HERC6: variants seen among roughly 807,000 people sequenced by gnomAD.
HERC6 encodes the protein HECT and RLD domain containing E3 ubiquitin protein ligase family member 6.
HERC6 carries 101 observed loss-of-function variants against 114.5 expected under a neutral mutation model. That is an observed-to-expected ratio of 0.88 (90% confidence interval 0.75 to 1.04). The LOEUF is 1.04. Among genes scored for constraint, HERC6 ranks in the 50% least tolerant of loss-of-function variants. HERC6 has a pLI of 0.00. For missense variants in HERC6, 1,133 were observed against 1,230.9 expected (o/e 0.92, Z 1.19); for synonymous variants, 408 against 436.2 (o/e 0.94, Z 0.81).
chr4:88,442,002 C>G (rs1187222670), intron 22 of HERC6, among the ~76,000 whole-genome samples: 2 of 152,170 alleles, frequency 1.3e-5, no homozygotes, highest in Non-Finnish European at 2.9e-5. Flanking sequence ...AAATAAACTT[C>G]CTTCTTGCTA....
chr4:88,420,117 T>C (rs1431662255), intron 13 of HERC6, among the ~76,000 whole-genome samples: 1 of 152,134 alleles, frequency 6.6e-6, no homozygotes, highest in Admixed American at 6.5e-5. Context: ...ACACTAACTT[T>C]CGTTTTCTTT....
At chr4:88,409,246 G>A (rs1393996423) in intron 11 of HERC6, among the ~76,000 whole-genome samples, 2 of 152,072 alleles carry the variant, frequency 1.3e-5, no homozygotes, top group East Asian at 3.9e-4. Context: ...ATTCAGTTTT[G>A]GGGACAGACT....
chr4:88,405,250 A>C (rs1383817502), intron 9 of HERC6, among the ~76,000 whole-genome samples: 2 of 152,238 alleles, frequency 1.3e-5, no homozygotes, highest in African/African-American at 4.8e-5. Context: ...CAAAGCCTTT[A>C]ATAAGGTGGA....
intron 12 of HERC6, among the ~76,000 whole-genome samples, chr4:88,413,658 G>GTAT (rs1317281334): frequency 6.6e-6 from 1 of 152,052 alleles, no homozygotes; most frequent in Non-Finnish European, 1.5e-5. Context: ...GTTAAACTTT[G>GTAT]TATTATTATT....
At position 88,390,805 on chromosome 4, in the gene HERC6, C is replaced by G. The variant is rs1227359463; in HGVS notation, c.590C>G (p.Ser197Cys). 1.6e-5 allele frequency: 26 copies of G among 1,614,054 alleles called. No individual in the cohort carries two copies. The highest frequency in any genetic ancestry group is 2.0e-5 in the Non-Finnish European group (24 of 1,180,034). ...GGAGGGGCTCACAGCTTTGCCCTGT[C>G]TCTCTGTGGGACTTCGTTTGGCTGG... ...AAGGAHSFALSLCGTSFGWGS... is the reference protein window; with the variant it reads ...AAGGAHSFALCLCGTSFGWGS... Residue 197 changes from serine to cysteine, a missense_variant, in exon 4 of 23, where the codon TCT becomes TGT. Ser to Cys is a moderately radical substitution (Grantham distance 112, BLOSUM62 -1). Transcript: ENST00000264346.
Position 88,431,829 on chromosome 4 carries a change from T to C in HERC6, c.2250+524T>C, listed in dbSNP as rs867460524. Among the ~76,000 whole-genome samples, 5 of 152,306 alleles carry C rather than the reference T, an allele frequency of 3.3e-5. No individual in the cohort carries two copies. The South Asian group carries it at 8.3e-4, about 25-fold the overall frequency. ...CTGACCTCAAGTGATCCACCTGCCTTGGCCTCCCAGAGTGTTGGGATTACA... is the reference window on the plus strand; with the variant it reads ...CTGACCTCAAGTGATCCACCTGCCTCGGCCTCCCAGAGTGTTGGGATTACA... On this transcript the variant is annotated intron_variant, in intron 17 of 22. Transcript: ENST00000264346.
chr4:88,414,489 G>A (rs1736314841), intron 12 of HERC6, among the ~76,000 whole-genome samples: 1 of 152,102 alleles, frequency 6.6e-6, no homozygotes. Context: ...AATTCAGGGA[G>A]CGTCTATAAA....
At position 88,442,615 on chromosome 4, in the gene HERC6, C is replaced by G. The variant is rs749103308; in HGVS notation, c.*155C>G. 1.5e-6 allele frequency: 1 copy of G among 653,392 alleles called. No individual in the cohort carries two copies. The highest frequency in any genetic ancestry group is 2.7e-6 in the Non-Finnish European group (1 of 367,772). The allele number at this position is 653,392 out of a possible 1,614,324, so 40.5% of individuals were successfully genotyped here. On this transcript the variant is annotated 3_prime_UTR_variant, in exon 23 of 23. Transcript: ENST00000264346. ...AGATGATGATGATGGTCAAAGGGTG[C>G]AAAATCTCACACAAGACTGAGGCAG...
intron 5 of HERC6, 99 bp downstream of exon 5, chr4:88,393,681 T>G: frequency 1.6e-6 from 1 of 616,510 alleles, no homozygotes; most frequent in East Asian, 3.0e-5. Flanking sequence ...ATTAGCCCAT[T>G]TGGGCCACTA....
chr4:88,428,456 A>G, intron 15 of HERC6, 124 bp from the exon 16 acceptor site: 1 of 641,796 alleles, frequency 1.6e-6, no homozygotes, highest in Non-Finnish European at 2.5e-6. Context: ...TTACAATGTG[A>G]ATGTTTATAG....
intron 13 of HERC6, among the ~76,000 whole-genome samples, chr4:88,419,365 G>A (rs1736808900): frequency 6.6e-6 from 1 of 152,150 alleles, no homozygotes; most frequent in African/African-American, 2.4e-5. Flanking sequence ...TGCTTTGGGT[G>A]GTAGTCCCAA....
In HERC6 at chr4:88,390,697, G is replaced by T. The variant is rs1233217169; in HGVS notation, c.482G>T (p.Gly161Val). ...SWGKNSHGQL[G>V]LGKEFPSQAS... is the part of the protein sequence containing the mutation. ...GGAAAGAACAGCCATGGGCAGCTGG[G>T]CTTGGGGAAGGAGTTCCCCTCCCAA... Residue 161 changes from glycine (G) to valine (V), a missense_variant, in exon 4 of 23, where the codon GGC (glycine) becomes GTC (valine). Physicochemically the swap from Gly to Val is moderately radical, Grantham distance 109. Transcript: ENST00000264346. 2 of 1,613,350 alleles carry T rather than the reference G, an allele frequency of 1.2e-6. No homozygotes were observed. Among genetic ancestry groups the T allele is most frequent in the African/African-American group, 1.3e-5 (1 of 74,880 alleles).
At chr4:88,426,869 T>G (rs1284320890) in intron 15 of HERC6, among the ~76,000 whole-genome samples, 2 of 152,248 alleles carry the variant, frequency 1.3e-5, no homozygotes, top group Non-Finnish European at 2.9e-5. Flanking sequence ...TGTTTTTATT[T>G]TTGTAACATC....
Position 88,378,859 on chromosome 4 carries a change from T to G in HERC6, c.-63T>G. The G allele has an allele frequency of 2.1e-6, 3 of 1,442,186 alleles. No homozygotes were observed. Among genetic ancestry groups the G allele is most frequent in the Non-Finnish European group, 1.9e-6 (2 of 1,074,934 alleles). 89.3% of individuals were successfully genotyped at this position (1,442,186 alleles called of 1,614,324 possible). A position where few individuals can be genotyped will look rare whatever the true frequency, so the allele number is the denominator to read the frequency against. ...ATCATCGCGCACCCAGTCACCAGCG[T>G]TCGGGAGCCTGTCGCAGCGGGACCG... On this transcript the variant is annotated 5_prime_UTR_variant, in exon 1 of 23. Coordinates refer to ENST00000264346, the MANE Select transcript of HERC6 (RefSeq NM_017912.4).
intron 13 of HERC6, among the ~76,000 whole-genome samples, chr4:88,420,717 A>G: frequency 6.6e-6 from 1 of 152,130 alleles, no homozygotes; most frequent in East Asian, 1.9e-4. Flanking sequence ...AGATTGCTTG[A>G]GCTCAGGAGT....
intron 3 of HERC6, among the ~76,000 whole-genome samples, chr4:88,386,796 C>T (rs1734611917): frequency 6.6e-6 from 1 of 152,094 alleles, no homozygotes; most frequent in South Asian, 2.1e-4. Flanking sequence ...GAGATAACTC[C>T]ACAAAGGGAA....
intron 15 of HERC6, 114 bp from the exon 16 acceptor site, chr4:88,428,466 G>C (rs1318402898): frequency 1.5e-6 from 1 of 682,744 alleles, no homozygotes; most frequent in African/African-American, 1.9e-5. Flanking sequence ...AATGTTTATA[G>C]CAATGGCAGG....
intron 12 of HERC6, among the ~76,000 whole-genome samples, chr4:88,416,272 G>A (rs1736468721): frequency 1.3e-5 from 2 of 152,172 alleles, no homozygotes; most frequent in African/African-American, 4.8e-5. Flanking sequence ...TCTGCATAAA[G>A]CCTGGCTTAT....
chr4:88,442,149 AC>A, intron 22 of HERC6, 84 bp from the exon 23 acceptor site: 1 of 928,472 alleles, frequency 1.1e-6, no homozygotes, highest in Non-Finnish European at 1.7e-6. Flanking sequence ...ATAAATACTT[AC>A]TGAATGAAGT....
Sources: gnomAD v4.1 joint callset for allele counts (sites outside exome capture counted in the v4.1 genomes callset) on GRCh38, gnomAD v4.1.1 for gene constraint, MANE v1.5 for transcripts, NCBI Gene and HGNC (gene_info 2026-07-23, HGNC 2026-07-21) for gene names.